The following CTNNA2 variants were observed in gnomAD, a reference collection of about 807,000 sequenced individuals.
CTNNA2 encodes the protein catenin alpha-2.
Under a neutral mutation model 101.0 loss-of-function variants are expected in CTNNA2, and 42 were observed. That is an observed-to-expected ratio of 0.42 (90% CI 0.32 to 0.54). CTNNA2 has a LOEUF of 0.54. Among genes scored for constraint, CTNNA2 ranks in the 20% least tolerant of loss-of-function variants. CTNNA2 has a pLI of 0.14. For synonymous variants in CTNNA2, 450 were observed against 456.4 expected (o/e 0.99, Z 0.18); for missense variants, 871 against 1,223.1 (o/e 0.71, Z 4.29).
chr2:79,369,490 C>T (rs1677823034), intron 3 of CTNNA2, among the ~76,000 whole-genome samples: 1 of 152,118 alleles, frequency 6.6e-6, no homozygotes, highest in African/African-American at 2.4e-5. Flanking sequence ...GTAGCGGCAC[C>T]CCTGTCTCCG....
chr2:80,465,481 G>A (rs1022673217), intron 9 of CTNNA2, among the ~76,000 whole-genome samples: 5 of 152,142 alleles, frequency 3.3e-5, no homozygotes, highest in African/African-American at 1.2e-4. Flanking sequence ...CTTGGCACAT[G>A]TTGCCAGGAA....
chr2:80,647,808 C>G lies in CTNNA2; in HGVS notation c.2798C>G (p.Ser933Cys), dbSNP rs752321444. The change falls in exon 19 of 19, where the codon TCT becomes TGT. Residue 933 changes from serine (S) to cysteine (C), a missense_variant. Transcript: ENST00000402739. The part of the protein sequence containing the change: ...EEFQTRVRRG[S>C]QKKHISPVQA... ...TTCCAGACACGAGTTCGACGAGGTT[C>G]TCAGAAGAAACACATTTCGCCTGTA... 1 of 1,613,568 alleles carries G rather than the reference C, an allele frequency of 6.2e-7. No homozygotes were observed.
At chr2:79,916,844 C>T (rs1260462793) in intron 7 of CTNNA2, among the ~76,000 whole-genome samples, 1 of 151,844 alleles carries the variant, frequency 6.6e-6, no homozygotes, top group Admixed American at 6.6e-5. Flanking sequence ...AGGATGGTCT[C>T]GATCTCCTGA....
intron 12 of CTNNA2, among the ~76,000 whole-genome samples, chr2:80,561,262 CATGA>C (rs1291756132): frequency 1.3e-5 from 2 of 152,130 alleles, no homozygotes; most frequent in Non-Finnish European, 2.9e-5. Flanking sequence ...GTTACTTCGG[CATGA>C]CTAATTTTAA....
At chr2:79,364,137 G>T (rs1677691897) in intron 3 of CTNNA2, among the ~76,000 whole-genome samples, 1 of 152,146 alleles carries the variant, frequency 6.6e-6, no homozygotes, top group Admixed American at 6.5e-5. Context: ...CAATTTTCAG[G>T]CTAGGCAAAT....
chr2:80,608,344 G>T, intron 17 of CTNNA2, 26 bp downstream of exon 17: 1 of 1,594,710 alleles, frequency 6.3e-7, no homozygotes, highest in South Asian at 1.1e-5. Flanking sequence ...GCTTCACAAT[G>T]TAAAGTTCCC....
At chr2:79,674,663 C>T (rs982175606) in intron 2 of CTNNA2, among the ~76,000 whole-genome samples, 10 of 151,788 alleles carry the variant, frequency 6.6e-5, no homozygotes, top group South Asian at 6.2e-4. Flanking sequence ...CCTATGTAAG[C>T]GAACAGATGA....
intron 8 of CTNNA2, among the ~76,000 whole-genome samples, chr2:80,411,348 T>C (rs1679556037): frequency 6.6e-6 from 1 of 152,114 alleles, no homozygotes; most frequent in South Asian, 2.1e-4. Context: ...AGCAGGTCTC[T>C]TTCTACTCCC....
chr2:80,284,938 CTT>C (rs1674637363), intron 7 of CTNNA2, among the ~76,000 whole-genome samples: 1 of 152,192 alleles, frequency 6.6e-6, no homozygotes. Flanking sequence ...AGTGGAGTCT[CTT>C]TCCATTTTCT....
At chr2:80,128,531 G>A (rs771177853) in intron 7 of CTNNA2, among the ~76,000 whole-genome samples, 1 of 151,992 alleles carries the variant, frequency 6.6e-6, no homozygotes, top group Non-Finnish European at 1.5e-5. Context: ...GTTAAAAGAC[G>A]GATAAATAAT....
At chr2:79,374,720 C>T (rs1019067524) in intron 4 of CTNNA2, among the ~76,000 whole-genome samples, 24 of 151,912 alleles carry the variant, frequency 1.6e-4, no homozygotes, top group East Asian at 1.2e-3. Context: ...AACTAAAATC[C>T]GATGGAAATT....
chr2:79,718,652 T>TA (rs1163126694), intron 2 of CTNNA2, among the ~76,000 whole-genome samples: 2 of 152,184 alleles, frequency 1.3e-5, no homozygotes, highest in African/African-American at 2.4e-5. Context: ...TGTTGGTTTA[T>TA]AAAAAATAGA....
At chr2:79,201,049 T>A (rs749571439) in intron 2 of CTNNA2, among the ~76,000 whole-genome samples, 1 of 152,120 alleles carries the variant, frequency 6.6e-6, no homozygotes, top group African/African-American at 2.4e-5. Flanking sequence ...GGCCTTGTTA[T>A]GTAAATAAAA....
At chr2:79,609,005 T>A (rs1244583287) in intron 1 of CTNNA2, among the ~76,000 whole-genome samples, 1 of 151,888 alleles carries the variant, frequency 6.6e-6, no homozygotes, top group Non-Finnish European at 1.5e-5. Flanking sequence ...CAAGGAAAAA[T>A]CTACTAGAAT....
At chr2:79,961,747 G>A (rs571073240) in intron 7 of CTNNA2, among the ~76,000 whole-genome samples, 9 of 151,468 alleles carry the variant, frequency 5.9e-5, no homozygotes, top group East Asian at 3.9e-4. Flanking sequence ...GCGTGAACCC[G>A]GGGGGCAGAG....
chr2:80,276,549 C>G (rs1573574810), intron 7 of CTNNA2, among the ~76,000 whole-genome samples: 1 of 152,026 alleles, frequency 6.6e-6, no homozygotes, highest in South Asian at 2.1e-4. Context: ...GGTGCCAGCA[C>G]CTGCTTCTGA....
At chr2:79,706,046 G>T (rs568410457) in intron 2 of CTNNA2, among the ~76,000 whole-genome samples, 1 of 152,166 alleles carries the variant, frequency 6.6e-6, no homozygotes, top group African/African-American at 2.4e-5. Flanking sequence ...AAGAGCCGAA[G>T]GCCTTCGTGT....
chr2:80,198,102 C>T (rs1000564430), intron 7 of CTNNA2, among the ~76,000 whole-genome samples: 10 of 152,068 alleles, frequency 6.6e-5, no homozygotes, highest in African/African-American at 2.4e-4. Context: ...TTTGTATCAC[C>T]CCTCATGCAC....
intron 7 of CTNNA2, among the ~76,000 whole-genome samples, chr2:80,381,294 A>G (rs1676493190): frequency 6.6e-6 from 1 of 151,980 alleles, no homozygotes; most frequent in South Asian, 2.1e-4. Context: ...TGGGCTAACA[A>G]TAAGGTTAGC....
Sources: gnomAD v4.1 joint callset for allele counts (sites outside exome capture counted in the v4.1 genomes callset) on GRCh38, gnomAD v4.1.1 for gene constraint, MANE v1.5 for transcripts, NCBI Gene and HGNC (gene_info 2026-07-23, HGNC 2026-07-21) for gene names.